Variants in HHAT observed in about 807,000 individuals in gnomAD.
HHAT encodes the protein protein-cysteine N-palmitoyltransferase HHAT.
In HHAT, 47 loss-of-function variants were observed where a neutral mutation model predicts 70.8. That is an observed-to-expected ratio of 0.66 (90% CI 0.53 to 0.85). The LOEUF (loss-of-function observed/expected upper bound fraction) is 0.85, where lower values mean the gene tolerates loss of function less well. Among genes scored for constraint, HHAT ranks in the 40% least tolerant of loss-of-function variants. The pLI is 0.00. For synonymous variants in HHAT, 228 were observed against 247.6 expected (o/e 0.92, Z 0.74); for missense variants, 609 against 604.8 (o/e 1.01, Z -0.07).
At chr1:210,388,257 G>A (rs116705809) in intron 4 of HHAT, among the ~76,000 whole-genome samples, 1,534 of 152,214 alleles carry the variant, frequency 0.01, 33 homozygotes, top group African/African-American at 0.034. Flanking sequence ...GAAATTTACC[G>A]AATAAAAGCA....
chr1:210,608,267 T>A, intron 10 of HHAT, among the ~76,000 whole-genome samples: 1 of 152,202 alleles, frequency 6.6e-6, no homozygotes, highest in East Asian at 1.9e-4. Context: ...ACTGATTGTT[T>A]TTGTATGGCC....
chr1:210,561,537 G>T (rs972162825), intron 9 of HHAT, among the ~76,000 whole-genome samples: 5 of 152,150 alleles, frequency 3.3e-5, no homozygotes, highest in African/African-American at 1.2e-4. Flanking sequence ...TCTGCCTGGT[G>T]CCTAGAAGGT....
chr1:210,402,266 C>T (rs41354049), intron 5 of HHAT, among the ~76,000 whole-genome samples: 5,735 of 152,262 alleles, frequency 0.038, 356 homozygotes, highest in African/African-American at 0.13. Flanking sequence ...CTGAGAGTTG[C>T]GCAGCTTGGA....
At chr1:210,580,466 C>CCTGT (rs1218943037) in intron 9 of HHAT, among the ~76,000 whole-genome samples, 17 of 151,044 alleles carry the variant, frequency 1.1e-4, no homozygotes, top group African/African-American at 3.9e-4. Flanking sequence ...CACCTATTGA[C>CCTGT]CTGTCCTCTA....
intron 11 of HHAT, among the ~76,000 whole-genome samples, chr1:210,626,501 T>C (rs1293806961): frequency 6.6e-6 from 1 of 152,184 alleles, no homozygotes; most frequent in African/African-American, 2.4e-5. Flanking sequence ...AATGAGCCTG[T>C]TTGCATCTCT....
chr1:210,644,455 T>C (rs1246749683), intron 11 of HHAT, among the ~76,000 whole-genome samples: 1 of 151,782 alleles, frequency 6.6e-6, no homozygotes, highest in Non-Finnish European at 1.5e-5. Flanking sequence ...ATATAAAAAT[T>C]AGCTAGGCGT....
chr1:210,422,631 C>T (rs1269076980), intron 7 of HHAT, among the ~76,000 whole-genome samples: 1 of 152,118 alleles, frequency 6.6e-6, no homozygotes, highest in South Asian at 2.1e-4. Flanking sequence ...AAAAATACCA[C>T]ATTTTCTTTT....
At chr1:210,527,993 T>G (rs2095271138) in intron 9 of HHAT, among the ~76,000 whole-genome samples, 1 of 152,234 alleles carries the variant, frequency 6.6e-6, no homozygotes, top group South Asian at 2.1e-4. Flanking sequence ...CAGATGATTT[T>G]TAGCATCTAC....
chr1:210,524,101 G>T (rs938738578), intron 9 of HHAT, among the ~76,000 whole-genome samples: 1 of 152,224 alleles, frequency 6.6e-6, no homozygotes, highest in Non-Finnish European at 1.5e-5. Context: ...TGGGGGAAGG[G>T]AGAGTTGTTA....
rs75325211 is a variant in HHAT, at chr1:210,459,694, C to A, written c.857-4811C>A. On this transcript the variant is annotated intron_variant, in intron 7 of 11. Coordinates refer to ENST00000261458, the MANE Select transcript of HHAT (RefSeq NM_018194.6). ...ACTCTCCTTTTAAAAAGGGCAGCAT[C>A]TGCCACCTCAACAGTTCTGAGCTCC... Among the ~76,000 whole-genome samples, 1,290 of 152,336 alleles carry A rather than the reference C, an allele frequency of 8.5e-3. 24 individuals carry two copies. Among genetic ancestry groups the A allele is most frequent in the African/African-American group, 0.03 (1,227 of 41,578 alleles).
intron 9 of HHAT, among the ~76,000 whole-genome samples, chr1:210,559,255 T>G (rs1420990171): frequency 3.9e-5 from 6 of 152,224 alleles, no homozygotes; most frequent in African/African-American, 1.2e-4. Flanking sequence ...TGTTTAAGTC[T>G]TCCCCTACTA....
chr1:210,430,540 C>A (rs918599542), intron 7 of HHAT, among the ~76,000 whole-genome samples: 1 of 151,842 alleles, frequency 6.6e-6, no homozygotes, highest in African/African-American at 2.4e-5. Flanking sequence ...TGTGCCTTTT[C>A]TCTACATTAA....
chr1:210,396,529 T>G (rs1200559084), intron 4 of HHAT, among the ~76,000 whole-genome samples: 1 of 152,256 alleles, frequency 6.6e-6, no homozygotes, highest in African/African-American at 2.4e-5. Context: ...AAAACTGTTT[T>G]ATAGTTTATT....
At chr1:210,484,593 T>A (rs2094447217) in intron 8 of HHAT, among the ~76,000 whole-genome samples, 1 of 152,052 alleles carries the variant, frequency 6.6e-6, no homozygotes, top group African/African-American at 2.4e-5. Context: ...CCCCCTAGAC[T>A]TAGTGTTATG....
chr1:210,327,402 G>T (rs991355314), upstream of HHAT, among the ~76,000 whole-genome samples: 1 of 148,940 alleles, frequency 6.7e-6, no homozygotes, highest in African/African-American at 2.5e-5. Context: ...CTCCCAAAGT[G>T]CTGGGATTAC....
chr1:210,640,160 G>A (rs978715327), intron 11 of HHAT, among the ~76,000 whole-genome samples: 1 of 152,208 alleles, frequency 6.6e-6, no homozygotes, highest in African/African-American at 2.4e-5. Flanking sequence ...GACTGAGTTA[G>A]TGGGTAGATT....
intron 3 of HHAT, among the ~76,000 whole-genome samples, chr1:210,383,720 A>G (rs549382111): frequency 6.2e-4 from 95 of 152,270 alleles, no homozygotes; most frequent in African/African-American, 1.8e-3. Flanking sequence ...TAAGGGGTCT[A>G]TGGGAATTCT....
intron 11 of HHAT, among the ~76,000 whole-genome samples, chr1:210,630,754 A>G (rs755051315): frequency 6.6e-6 from 1 of 152,192 alleles, no homozygotes; most frequent in Non-Finnish European, 1.5e-5. Context: ...GTGTGATACA[A>G]TTCCAGAGCT....
At chr1:210,534,059 G>A (rs1299609674) in intron 9 of HHAT, among the ~76,000 whole-genome samples, 1 of 152,148 alleles carries the variant, frequency 6.6e-6, no homozygotes, top group Non-Finnish European at 1.5e-5. Flanking sequence ...TGTATAGAGT[G>A]GAAGGACATC....
Sources: allele counts gnomAD v4.1 joint callset (sites outside exome capture counted in the v4.1 genomes callset), GRCh38; gene constraint gnomAD v4.1.1; transcripts MANE v1.5; gene names NCBI Gene and HGNC (gene_info 2026-07-23, HGNC 2026-07-21).